The following DCC variants were observed in gnomAD, a reference collection of about 807,000 sequenced individuals.
The protein encoded by DCC is netrin receptor DCC.
A neutral mutation model predicts 172.5 loss-of-function variants in DCC; 58 were observed. That is an observed-to-expected ratio of 0.34 (90% CI 0.27 to 0.42). The LOEUF is 0.42. Among genes scored for constraint, DCC ranks in the 10% least tolerant of loss-of-function variants. The pLI is 1.00. For missense variants in DCC, 1,740 were observed against 1,791.0 expected (o/e 0.97, Z 0.51); for synonymous variants, 709 against 644.5 (o/e 1.10, Z -1.52).
At chr18:53,325,897 G>GA (rs2057463251) in intron 14 of DCC, among the ~76,000 whole-genome samples, 1 of 152,162 alleles carries the variant, frequency 6.6e-6, no homozygotes, top group South Asian at 2.1e-4. Context: ...AAAACACGTA[G>GA]AACTTGAACT....
intron 2 of DCC, among the ~76,000 whole-genome samples, chr18:52,820,038 T>C (rs1056015900): frequency 6.6e-6 from 1 of 152,148 alleles, no homozygotes; most frequent in African/African-American, 2.4e-5. Flanking sequence ...AACTTTCATA[T>C]TATTTTTTCA....
intron 7 of DCC, among the ~76,000 whole-genome samples, chr18:53,153,029 C>T (rs73960204): frequency 0.04 from 6,054 of 152,220 alleles, 375 homozygotes; most frequent in African/African-American, 0.13. Context: ...TTGCCCCTTG[C>T]CCTCCTCTCT....
At chr18:52,971,949 C>T (rs1005435427) in intron 5 of DCC, among the ~76,000 whole-genome samples, 8 of 152,178 alleles carry the variant, frequency 5.3e-5, no homozygotes, top group East Asian at 1.9e-4. Context: ...TGCTCCCTCA[C>T]GGCATCAGAA....
chr18:52,925,437 G>T, intron 5 of DCC, 67 bp downstream of exon 5: 1 of 1,480,238 alleles, frequency 6.8e-7, no homozygotes, highest in South Asian at 1.1e-5. Context: ...ACATTTTAAT[G>T]CTCATCACTG....
At chr18:53,355,517 T>C (rs1328338131) in intron 15 of DCC, among the ~76,000 whole-genome samples, 1 of 152,178 alleles carries the variant, frequency 6.6e-6, no homozygotes, top group South Asian at 2.1e-4. Flanking sequence ...TTCCTAGGTA[T>C]TTCATTCTCT....
chr18:52,910,159 C>T (rs918635410), intron 3 of DCC, among the ~76,000 whole-genome samples: 3 of 152,038 alleles, frequency 2.0e-5, no homozygotes, highest in Non-Finnish European at 4.4e-5. Context: ...AGAGAAGATC[C>T]AGAAATGATG....
intron 1 of DCC, among the ~76,000 whole-genome samples, chr18:52,651,047 G>T (rs185255210): frequency 6.6e-6 from 1 of 152,188 alleles, no homozygotes; most frequent in East Asian, 1.9e-4. Flanking sequence ...AATCCCCATG[G>T]AAGATCATCA....
chr18:52,793,409 TA>T (rs780247482), intron 2 of DCC, among the ~76,000 whole-genome samples: 10 of 152,192 alleles, frequency 6.6e-5, no homozygotes, highest in Non-Finnish European at 1.5e-4. Flanking sequence ...TGCTTTTTAT[TA>T]AAGAGAAAAG....
intron 5 of DCC, among the ~76,000 whole-genome samples, chr18:53,005,570 T>C (rs1459573376): frequency 6.6e-6 from 1 of 152,024 alleles, no homozygotes; most frequent in East Asian, 1.9e-4. Flanking sequence ...CCATCTCTAC[T>C]GAAAAAAATT....
intron 2 of DCC, among the ~76,000 whole-genome samples, chr18:52,866,957 C>T (rs775831630): frequency 1.3e-5 from 2 of 152,114 alleles, no homozygotes; most frequent in African/African-American, 2.4e-5. Flanking sequence ...TGTCTTGTGC[C>T]AGTTTTCAAA....
chr18:53,485,769 C>T (rs1428482788), intron 25 of DCC, among the ~76,000 whole-genome samples: 2 of 151,920 alleles, frequency 1.3e-5, no homozygotes, highest in Non-Finnish European at 2.9e-5. Flanking sequence ...CTATATGTTG[C>T]TTCTCATTGA....
chr18:52,517,205 C>T (rs1010244778), intron 1 of DCC, among the ~76,000 whole-genome samples: 1 of 152,196 alleles, frequency 6.6e-6, no homozygotes, highest in African/African-American at 2.4e-5. Context: ...AAGTGTCTTT[C>T]ATATCTGTTC....
intron 7 of DCC, among the ~76,000 whole-genome samples, chr18:53,073,118 T>G (rs2042677289): frequency 6.6e-6 from 1 of 152,188 alleles, no homozygotes; most frequent in Non-Finnish European, 1.5e-5. Context: ...GTCAAATATT[T>G]TTGTAGGCCT....
intron 7 of DCC, among the ~76,000 whole-genome samples, chr18:53,075,568 C>A (rs1163032473): frequency 2.1e-5 from 3 of 139,914 alleles, no homozygotes; most frequent in African/African-American, 5.4e-5. Flanking sequence ...TTTTAGCTCT[C>A]TAGAGTAGAA....
At chr18:52,951,671 A>G (rs1281106451) in intron 5 of DCC, among the ~76,000 whole-genome samples, 4 of 152,230 alleles carry the variant, frequency 2.6e-5, no homozygotes, top group Non-Finnish European at 5.9e-5. Context: ...TTTGGAAAGC[A>G]GTATGTAGAC....
intron 2 of DCC, among the ~76,000 whole-genome samples, chr18:52,780,640 T>C (rs989312701): frequency 6.6e-6 from 1 of 152,088 alleles, no homozygotes; most frequent in Admixed American, 6.6e-5. Flanking sequence ...AAAAGGAGTA[T>C]AAGCTAATGG....
chr18:52,987,912 AAT>A (rs2041320687), intron 5 of DCC, among the ~76,000 whole-genome samples: 1 of 152,230 alleles, frequency 6.6e-6, no homozygotes, highest in African/African-American at 2.4e-5. Flanking sequence ...CTACTGAAAT[AAT>A]AGTTTTCCCT....
chr18:52,959,310 A>C lies in DCC; in HGVS notation c.985+33940A>C, dbSNP rs2145564896. Among the ~76,000 whole-genome samples, 3 of 152,302 alleles carry C rather than the reference A, an allele frequency of 2.0e-5. 1 individual carries two copies. In the Middle Eastern group the frequency reaches 0.01, roughly 518 times the overall value. On this transcript the variant is annotated intron_variant, in intron 5 of 28. Coordinates refer to ENST00000442544, the MANE Select transcript of DCC (RefSeq NM_005215.4). ...TTTGCTTTTCAGAGCATTCATGTTT[A>C]AGCCAGTCCCAGAAAATTGTTCATG...
At chr18:52,825,794 CAT>C (rs1017631857) in intron 2 of DCC, among the ~76,000 whole-genome samples, 7 of 152,196 alleles carry the variant, frequency 4.6e-5, no homozygotes, top group Non-Finnish European at 1.5e-5. Context: ...CAAAAATTTC[CAT>C]ATATGTCTCA....
Sources: gnomAD v4.1 joint callset for allele counts (sites outside exome capture counted in the v4.1 genomes callset) on GRCh38, gnomAD v4.1.1 for gene constraint, MANE v1.5 for transcripts, NCBI Gene and HGNC (gene_info 2026-07-23, HGNC 2026-07-21) for gene names.